The following NEDD4L variants were observed in gnomAD, a reference collection of about 807,000 sequenced individuals.
NEDD4L encodes NEDD4 like E3 ubiquitin protein ligase, also known as E3 ubiquitin-protein ligase NEDD4-like.
A neutral mutation model predicts 148.9 loss-of-function variants in NEDD4L; 54 were observed. That is an observed-to-expected ratio of 0.36 (90% CI 0.29 to 0.45). NEDD4L has a LOEUF of 0.45. Among genes scored for constraint, NEDD4L ranks in the 20% least tolerant of loss-of-function variants. The pLI, the probability that NEDD4L is intolerant of heterozygous loss-of-function variation, is 1.00. For missense variants in NEDD4L, 856 were observed against 1,233.8 expected, an observed-to-expected ratio of 0.69 and a Z score of 4.59; for synonymous variants, 433 against 440.7, an observed-to-expected ratio of 0.98 and a Z score of 0.22.
At chr18:58,089,226 TGG>T (rs2145256111) in intron 1 of NEDD4L, among the ~76,000 whole-genome samples, 1 of 148,266 alleles carries the variant, frequency 6.7e-6, no homozygotes, top group Non-Finnish European at 1.5e-5. Flanking sequence ...CTTTGCCTCC[TGG>T]GTTCAAGCGA....
intron 1 of NEDD4L, among the ~76,000 whole-genome samples, chr18:58,070,243 T>G (rs2082796750): frequency 6.6e-6 from 1 of 151,688 alleles, no homozygotes; most frequent in Non-Finnish European, 1.5e-5. Context: ...ACCAAAAAAT[T>G]TTTTATTTTT....
intron 1 of NEDD4L, among the ~76,000 whole-genome samples, chr18:58,114,032 GTGTTGC>G (rs1357778459): frequency 6.6e-6 from 1 of 152,202 alleles, no homozygotes; most frequent in Non-Finnish European, 1.5e-5. Flanking sequence ...TGGCTCGCTT[GTGTTGC>G]TGGGAGAGAT....
At chr18:58,225,703 G>C (rs1427097460) in intron 2 of NEDD4L, among the ~76,000 whole-genome samples, 1 of 152,302 alleles carries the variant, frequency 6.6e-6, no homozygotes, top group Non-Finnish European at 1.5e-5. Flanking sequence ...AAGAGGCCAA[G>C]GGCACATTAT....
chr18:58,143,357 A>G (rs2033758167), intron 1 of NEDD4L, among the ~76,000 whole-genome samples: 1 of 152,222 alleles, frequency 6.6e-6, no homozygotes, highest in Non-Finnish European at 1.5e-5. Context: ...TCTGTCAAAA[A>G]TGTTGAGTTG....
At chr18:58,214,640 TGTG>T (rs1273284451) in intron 2 of NEDD4L, among the ~76,000 whole-genome samples, 3,442 of 150,260 alleles carry the variant, frequency 0.023, 114 homozygotes, top group African/African-American at 0.07. Flanking sequence ...TGTGTGTGTG[TGTG>T]TTTTGTTGTT....
intron 2 of NEDD4L, among the ~76,000 whole-genome samples, chr18:58,184,977 C>G (rs1464439946): frequency 2.6e-5 from 4 of 152,088 alleles, no homozygotes; most frequent in African/African-American, 4.8e-5. Context: ...TGCTGCTCAC[C>G]CTTTTTCCCA....
chr18:58,254,806 G>A lies in NEDD4L; in HGVS notation c.297+2752G>A, dbSNP rs567187175. ...TGTGATAGCAGGAGGGCTCTGCTTG[G>A]CTAACTGGTTGTGTAGCAAGTCGGG... On this transcript the variant is annotated intron_variant, in intron 5 of 30. Coordinates refer to ENST00000400345, the MANE Select transcript of NEDD4L (RefSeq NM_001144967.3). Among the ~76,000 whole-genome samples, 100 of 152,254 alleles carry A rather than the reference G, an allele frequency of 6.6e-4. 2 individuals carry two copies. Among genetic ancestry groups the A allele is most frequent in the Admixed American group, 3.9e-4 (6 of 15,296 alleles).
intron 2 of NEDD4L, among the ~76,000 whole-genome samples, chr18:58,173,659 A>T (rs1344646992): frequency 6.6e-6 from 1 of 152,164 alleles, no homozygotes; most frequent in African/African-American, 2.4e-5. Context: ...TCCCTGAAGT[A>T]TTCAGAAGTG....
intron 1 of NEDD4L, among the ~76,000 whole-genome samples, chr18:58,084,473 G>A (rs2083641499): frequency 6.6e-6 from 1 of 152,102 alleles, no homozygotes; most frequent in Non-Finnish European, 1.5e-5. Flanking sequence ...TGGGGGTGGT[G>A]GTGTGTTAGT....
At chr18:58,318,166 A>T (rs2058459643) in intron 6 of NEDD4L, among the ~76,000 whole-genome samples, 1 of 152,186 alleles carries the variant, frequency 6.6e-6, no homozygotes, top group African/African-American at 2.4e-5. Flanking sequence ...GGATCGAATT[A>T]TGGATGCTGT....
chr18:58,341,693 G>C lies in NEDD4L; in HGVS notation c.1273G>C (p.Ala425Pro). The C allele has an allele frequency of 6.2e-7, 1 of 1,613,458 alleles. No homozygotes were observed. Among genetic ancestry groups the C allele is most frequent in the Non-Finnish European group, 8.5e-7 (1 of 1,179,726 alleles). Residue 425 changes from alanine (A) to proline (P), a missense_variant, in exon 15 of 31, where the codon GCG (alanine) becomes CCG (proline). Coordinates refer to ENST00000400345, the MANE Select transcript of NEDD4L (RefSeq NM_001144967.3). ...TCCAAAATAGCTTGCAGAAGATGGT[G>C]CGTCCGGATCAGCCACAAACAGTAA... The part of the protein sequence containing the change: ...RPIMQLAEDG[A>P]SGSATNSNNH...
At chr18:58,359,153 G>A (rs1297355715) in intron 19 of NEDD4L, among the ~76,000 whole-genome samples, 1 of 152,088 alleles carries the variant, frequency 6.6e-6, no homozygotes, top group Non-Finnish European at 1.5e-5. Context: ...TCTCTGTGGT[G>A]ACTGTTGCCC....
At chr18:58,048,856 T>G (rs1299774495) in intron 1 of NEDD4L, among the ~76,000 whole-genome samples, 1 of 152,202 alleles carries the variant, frequency 6.6e-6, no homozygotes, top group Non-Finnish European at 1.5e-5. Flanking sequence ...ACCACTACTT[T>G]CTGTTGTCTT....
intron 1 of NEDD4L, among the ~76,000 whole-genome samples, chr18:58,084,674 T>TGTGTGTGGGTGG (rs2083659482): frequency 8.7e-5 from 12 of 138,500 alleles, no homozygotes; most frequent in Admixed American, 8.5e-4. Context: ...GGGGTTTTTG[T>TGTGTGTGGGTGG]GTGTGTGTGT....
At chr18:58,377,732 G>T (rs187023393) in intron 24 of NEDD4L, among the ~76,000 whole-genome samples, 201 of 114,426 alleles carry the variant, frequency 1.8e-3, no homozygotes, top group African/African-American at 7.5e-3. Context: ...GTCTAATTTG[G>T]TTATGGGTTT....
chr18:58,117,672 G>A (rs921300502), intron 1 of NEDD4L, among the ~76,000 whole-genome samples: 2 of 152,176 alleles, frequency 1.3e-5, no homozygotes, highest in African/African-American at 2.4e-5. Context: ...GTTGAAAAAC[G>A]TACCCGGGCT....
chr18:58,058,351 A>G (rs190920240), intron 1 of NEDD4L, among the ~76,000 whole-genome samples: 165 of 152,318 alleles, frequency 1.1e-3, no homozygotes, highest in Non-Finnish European at 1.9e-3. Flanking sequence ...TCTTAGCCAC[A>G]TTAAAGTGTA....
chr18:58,386,679 C>T (rs2049069519), intron 26 of NEDD4L, among the ~76,000 whole-genome samples: 1 of 152,188 alleles, frequency 6.6e-6, no homozygotes, highest in Non-Finnish European at 1.5e-5. Context: ...AGGAAACAGC[C>T]TCGTGTCCAC....
intron 1 of NEDD4L, among the ~76,000 whole-genome samples, chr18:58,110,932 AAC>A (rs2085380048): frequency 6.6e-6 from 1 of 152,244 alleles, no homozygotes; most frequent in Admixed American, 6.5e-5. Context: ...AAATGTCAGA[AAC>A]ACACACGCTT....
Sources: allele counts gnomAD v4.1 joint callset (sites outside exome capture counted in the v4.1 genomes callset), GRCh38; gene constraint gnomAD v4.1.1; transcripts MANE v1.5; gene names NCBI Gene and HGNC (gene_info 2026-07-23, HGNC 2026-07-21).